The following PTPRZ1 variants were observed in gnomAD, a reference collection of about 807,000 sequenced individuals.
PTPRZ1 encodes the protein receptor-type tyrosine-protein phosphatase zeta.
In PTPRZ1, 82 loss-of-function variants were observed where a neutral mutation model predicts 214.1. The observed-to-expected ratio is 0.38, with a 90% confidence interval of 0.32 to 0.46. PTPRZ1 has a LOEUF of 0.46. PTPRZ1 is among the 20% of genes least tolerant of loss of function. The pLI is 1.00. For missense variants in PTPRZ1, 2,603 were observed against 2,748.7 expected (o/e 0.95, Z 1.19); for synonymous variants, 945 against 987.9 (o/e 0.96, Z 0.81).
At chr7:121,973,564 A>C (rs1336920758) in intron 4 of PTPRZ1, among the ~76,000 whole-genome samples, 7 of 152,188 alleles carry the variant, frequency 4.6e-5, no homozygotes, top group Non-Finnish European at 4.4e-5. Flanking sequence ...TTCTTCCGTG[A>C]AATTGACATA....
In PTPRZ1 at chr7:122,059,806, A is replaced by G. The variant is rs143402986; in HGVS notation, c.6725A>G (p.Gln2242Arg). 1.2e-6 allele frequency: 2 copies of G among 1,613,628 alleles called. No individual in the cohort carries two copies. The highest frequency in any genetic ancestry group is 1.7e-6 in the Non-Finnish European group (2 of 1,179,774). Residue 2242 changes from glutamine (Q) to arginine (R), a missense_variant, in exon 29 of 30, where the codon CAA (glutamine) becomes CGA (arginine). Gln to Arg is a conservative substitution (Grantham distance 43). Coordinates refer to ENST00000393386, the MANE Select transcript of PTPRZ1 (RefSeq NM_002851.3). Reference protein sequence around the residue: ...TFCALTTLMHQLEKENSVDVY... With the variant: ...TFCALTTLMHRLEKENSVDVY... ...TGTGCTCTGACAACCCTTATGCACC[A>G]ACTAGAAAAAGAAAATTCCGTGGAT...
At chr7:121,989,861 C>T (rs1797894671) in intron 8 of PTPRZ1, among the ~76,000 whole-genome samples, 1 of 152,120 alleles carries the variant, frequency 6.6e-6, no homozygotes. Context: ...CCTGTAATTA[C>T]ACTACCCAGA....
At chr7:122,021,540 C>A (rs1799016877) in intron 13 of PTPRZ1, among the ~76,000 whole-genome samples, 1 of 151,838 alleles carries the variant, frequency 6.6e-6, no homozygotes, top group Non-Finnish European at 1.5e-5. Flanking sequence ...TGAGACCAGC[C>A]CAGGAAACAT....
At chr7:121,962,449 A>AAATGATAATAATAAT (rs1047331175) in intron 2 of PTPRZ1, among the ~76,000 whole-genome samples, 1 of 148,444 alleles carries the variant, frequency 6.7e-6, no homozygotes, top group African/African-American at 2.5e-5. Context: ...CTCTGTCTCA[A>AAATGATAATAATAAT]AATAATAATA....
intron 1 of PTPRZ1, among the ~76,000 whole-genome samples, chr7:121,888,151 A>C (rs937947124): frequency 6.6e-6 from 1 of 151,996 alleles, no homozygotes; most frequent in Non-Finnish European, 1.5e-5. Flanking sequence ...GATGCTTCAA[A>C]GTCTTAAAAA....
In PTPRZ1 at chr7:122,011,124, T is replaced by A. The variant is rs774535751; in HGVS notation, c.2078T>A (p.Phe693Tyr). ...VDESEKTTKS[F>Y]SAGPVMSQGP... ...GAATCTGAGAAGACAACCAAGTCCT[T>A]TTCTGCAGGCCCAGTGATGTCACAG... Residue 693 changes from phenylalanine to tyrosine, a missense_variant, in exon 12 of 30, where the codon TTT (phenylalanine) becomes TAT (tyrosine). By Grantham distance (22) the Phe-to-Tyr change is conservative. This residue lies in a region of PTPRZ1 where 1,913 missense variants were observed against 1,914.3 expected (regional missense o/e 1.00). Transcript: ENST00000393386. 5 of 1,614,114 alleles carry A rather than the reference T, an allele frequency of 3.1e-6. No individual in the cohort carries two copies. In the East Asian group the frequency reaches 1.1e-4, roughly 36 times the overall value.
chr7:121,878,332 G>A (rs1245468626), intron 1 of PTPRZ1, among the ~76,000 whole-genome samples: 1 of 152,176 alleles, frequency 6.6e-6, no homozygotes, highest in Admixed American at 6.5e-5. Context: ...TCTCCATCTG[G>A]CAGTGTTGTT....
intron 8 of PTPRZ1, among the ~76,000 whole-genome samples, chr7:121,991,272 G>A (rs572283997): frequency 4.8e-4 from 73 of 152,162 alleles, no homozygotes; most frequent in African/African-American, 1.7e-3. Context: ...GTGTATATAT[G>A]GACAGCCAAG....
intron 8 of PTPRZ1, among the ~76,000 whole-genome samples, chr7:121,994,520 CCAAA>C (rs1219643926): frequency 2.0e-5 from 3 of 151,948 alleles, no homozygotes; most frequent in East Asian, 1.9e-4. Context: ...TAATGCATTT[CCAAA>C]CAGTTTCATC....
In PTPRZ1 at chr7:122,054,034, A is replaced by G. The variant is rs567078361; in HGVS notation, c.6377A>G (p.Asn2126Ser). The G allele has an allele frequency of 1.2e-6, 2 of 1,612,870 alleles. No individual in the cohort carries two copies. Among genetic ancestry groups the G allele is most frequent in the South Asian group, 1.1e-5 (1 of 91,042 alleles). Residue 2126 changes from asparagine (N) to serine (S), a missense_variant, in exon 26 of 30, where the codon AAC (asparagine) becomes AGC (serine). This residue lies in a region of PTPRZ1 where 134 missense variants were observed against 183.3 expected (regional missense o/e 0.73). Transcript: ENST00000393386. The part of the protein sequence containing the change: ...QLVVMIPDGQ[N>S]MAEDEFVYWP... ...GTGGTTATGATTCCTGATGGCCAAA[A>G]CATGGTAAGTCCCTTAGACCACTTT...
intron 1 of PTPRZ1, among the ~76,000 whole-genome samples, chr7:121,893,255 A>T (rs1794692722): frequency 6.6e-6 from 1 of 152,118 alleles, no homozygotes; most frequent in Admixed American, 6.5e-5. Context: ...GCCCAAAAAA[A>T]CCCCAAATGG....
At chr7:122,000,136 A>G (rs1472417632) in intron 10 of PTPRZ1, among the ~76,000 whole-genome samples, 1 of 152,142 alleles carries the variant, frequency 6.6e-6, no homozygotes, top group Non-Finnish European at 1.5e-5. Flanking sequence ...TCTACCAAAA[A>G]TTCCTGCATC....
chr7:122,019,033 C>T, intron 12 of PTPRZ1, 91 bp from the exon 13 acceptor site: 1 of 1,221,976 alleles, frequency 8.2e-7, no homozygotes, highest in Non-Finnish European at 1.1e-6. Flanking sequence ...AGGTAAGTAA[C>T]AGCAATGAAG....
chr7:121,909,007 G>A (rs1054003549), intron 1 of PTPRZ1: 8 of 510,084 alleles, frequency 1.6e-5, no homozygotes, highest in Admixed American at 4.0e-5. Context: ...CTGATTATTC[G>A]ATGTATTAGA....
At chr7:121,952,458 T>G (rs1363933205) in intron 2 of PTPRZ1, among the ~76,000 whole-genome samples, 1 of 152,048 alleles carries the variant, frequency 6.6e-6, no homozygotes, top group African/African-American at 2.4e-5. Flanking sequence ...TGGTGGCACA[T>G]GCCTGTAGTC....
chr7:121,940,774 A>G (rs1212892748), intron 2 of PTPRZ1, among the ~76,000 whole-genome samples: 1 of 151,998 alleles, frequency 6.6e-6, no homozygotes, highest in Non-Finnish European at 1.5e-5. Context: ...GTACAGATAT[A>G]ATTATATGAT....
chr7:121,990,512 CTTTT>C (rs758696565), intron 8 of PTPRZ1, among the ~76,000 whole-genome samples: 43 of 73,468 alleles, frequency 5.9e-4, no homozygotes, highest in African/African-American at 2.4e-3. Context: ...TGAAAACTGT[CTTTT>C]TTTTTTTTTT....
chr7:122,011,450 A>C lies in PTPRZ1; in HGVS notation c.2404A>C (p.Ser802Arg). 1 of 1,614,016 alleles carries C rather than the reference A, an allele frequency of 6.2e-7. No homozygotes were observed. The highest frequency in any genetic ancestry group is 1.1e-5 in the South Asian group (1 of 91,068). The stretch of plus-strand genomic sequence containing the variant: ...CTTGCATGCTACGCCTGTATTTCCC[A>C]GTGTCGATGTGTCATTTGAATCCAT... ...SALHATPVFP[S>R]VDVSFESILS... Residue 802 changes from serine (S) to arginine (R), a missense_variant, in exon 12 of 30, where the codon AGT (serine) becomes CGT (arginine). Ser to Arg is a moderately radical substitution (Grantham distance 110). Transcript: ENST00000393386.
intron 2 of PTPRZ1, among the ~76,000 whole-genome samples, chr7:121,964,479 C>T (rs552869297): frequency 6.6e-6 from 1 of 152,206 alleles, no homozygotes; most frequent in South Asian, 2.1e-4. Flanking sequence ...GAAACCGCCT[C>T]AATGATTCAA....
Sources: allele counts gnomAD v4.1 joint callset (sites outside exome capture counted in the v4.1 genomes callset), GRCh38; gene constraint gnomAD v4.1.1; regional missense constraint gnomAD v4.1.1; transcripts MANE v1.5; gene names NCBI Gene and HGNC (gene_info 2026-07-23, HGNC 2026-07-21).